TP53I13: variants seen among roughly 807,000 people sequenced by gnomAD.
TP53I13 encodes tumor protein p53-inducible protein 13.
TP53I13 carries 27 observed loss-of-function variants against 39.1 expected under a neutral mutation model. The ratio of observed to expected loss-of-function variants is 0.69; its 90% CI spans 0.51 to 0.95. The LOEUF (loss-of-function observed/expected upper bound fraction) is 0.95. Ranked by LOEUF, TP53I13 falls within the 40% of genes least tolerant of loss-of-function variation. The pLI, the probability that TP53I13 is intolerant of heterozygous loss-of-function variation, is 0.00. For missense variants in TP53I13, 544 were observed against 520.4 expected, an observed-to-expected ratio of 1.05 and a Z score of -0.44; for synonymous variants, 230 against 224.6, an observed-to-expected ratio of 1.02 and a Z score of -0.22.
chr17:29,576,212 T>A (rs766140796), downstream of TP53I13: 9 of 1,606,308 alleles, frequency 5.6e-6, no homozygotes, highest in South Asian at 7.7e-5. Context: ...GACCCATAGG[T>A]GACTCACAGT....
Position 29,568,927 on chromosome 17 carries a change from G to A in TP53I13, c.73-91G>A. 1 of 1,596,054 alleles carries A rather than the reference G, an allele frequency of 6.3e-7. No individual in the cohort carries two copies. ...AGGAGTGGCGCGCCGAGGGGGACGC[G>A]GAGTTCTTCCGCTGGCGGGCTGGGC... On this transcript the variant is annotated intron_variant, in intron 1 of 6. Coordinates refer to ENST00000301057, the MANE Select transcript of TP53I13 (RefSeq NM_138349.4). This position sits in a 1 kb window ranked among gnomAD's most constrained non-coding sequence, Gnocchi z 4.5.
At chr17:29,575,397 C>T, downstream of TP53I13, 16 of 1,613,580 alleles carry the variant, frequency 9.9e-6, no homozygotes, top group Non-Finnish European at 1.2e-5. The surrounding 1 kb of genome is among the most constrained non-coding windows in gnomAD (Gnocchi z 5.5). Flanking sequence ...GGATCTAGGT[C>T]TCCATCCAGG....
In TP53I13 at chr17:29,572,230, G is replaced by C; in HGVS notation, c.602G>C (p.Gly201Ala). 1 of 1,612,372 alleles carries C rather than the reference G, an allele frequency of 6.2e-7. No individual in the cohort carries two copies. Among genetic ancestry groups the C allele is most frequent in the Non-Finnish European group, 8.5e-7 (1 of 1,179,980 alleles). Residue 201 changes from glycine to alanine, a missense_variant, in exon 6 of 7, where the codon GGT becomes GCT. Physicochemically the swap from Gly to Ala is moderately conservative, Grantham distance 60 (BLOSUM62 0). Transcript: ENST00000301057. ...SQGPRQPSSS[G>A]AKRRRLRAAL... ...GGGCCCAGGCAGCCCTCTTCTAGTG[G>C]TGCCAAGAGGCGGAGGCTGCGGGCT...
At chr17:29,575,832 G>T, downstream of TP53I13, 1 of 1,612,854 alleles carries the variant, frequency 6.2e-7, no homozygotes, top group East Asian at 2.2e-5. The surrounding 1 kb of genome is among the most constrained non-coding windows in gnomAD (Gnocchi z 5.5). Context: ...CTTCCCTCCT[G>T]GGAGCAGGAC....
chr17:29,572,505 G>T lies in TP53I13; in HGVS notation c.877G>T (p.Ala293Ser), dbSNP rs867721456. 6.2e-7 allele frequency: 1 copy of T among 1,605,336 alleles called. No individual in the cohort carries two copies. The highest frequency in any genetic ancestry group is 8.5e-7 in the Non-Finnish European group (1 of 1,176,118). Residue 293 changes from alanine (A) to serine (S), a missense_variant, in exon 6 of 7, where the codon GCA becomes TCA. By Grantham distance (99) the Ala-to-Ser change is moderately conservative. Transcript: ENST00000301057. ...CSSQASPAPR[A>S]AAPPRAARGP... ...AAGTCAGGCTTCCCCGGCCCCTCGC[G>T]CAGCAGCGCCTCCACGGGCAGCCCG... is the stretch of plus-strand genomic sequence containing the variant.
downstream of TP53I13, chr17:29,575,539 C>T (rs559571374): frequency 1.3e-5 from 20 of 1,561,310 alleles, no homozygotes; most frequent in Middle Eastern, 3.5e-4. The surrounding 1 kb of genome is among the most constrained non-coding windows in gnomAD (Gnocchi z 5.5). Flanking sequence ...GCCTCGGAGC[C>T]GCCCGCCTTG....
chr17:29,579,700 G>A, the TP53I13 span, among the ~76,000 whole-genome samples: 7 of 152,018 alleles, frequency 4.6e-5, no homozygotes, highest in South Asian at 8.3e-4. Context: ...TCCAGCCTGG[G>A]CAACAGAGCG....
downstream of TP53I13, chr17:29,574,980 T>G (rs751987502): frequency 2.7e-6 from 4 of 1,490,598 alleles, no homozygotes; most frequent in Admixed American, 5.7e-5. Flanking sequence ...AGGGCCCAGT[T>G]TGTCTGTGTC....
the TP53I13 span, chr17:29,578,613 G>A: frequency 1.0e-6 from 1 of 977,008 alleles, no homozygotes; most frequent in Non-Finnish European, 1.7e-6. Context: ...CCAGTGAGGG[G>A]ACAGGTCAAA....
chr17:29,570,911 C>T (rs539832187), intron 3 of TP53I13: 77 of 152,656 alleles, frequency 5.0e-4, no homozygotes, highest in Non-Finnish European at 1.0e-3. Context: ...TCAGCTCCCC[C>T]TGAGACACTG....
At chr17:29,577,862 A>G, downstream of TP53I13, 1 of 684,216 alleles carries the variant, frequency 1.5e-6, no homozygotes, top group East Asian at 2.7e-5. Context: ...TGGTGTTCAG[A>G]ACAGGGGTGG....
At chr17:29,579,150 C>G in the TP53I13 span, 2 of 650,390 alleles carry the variant, frequency 3.1e-6, no homozygotes, top group South Asian at 3.6e-5. Context: ...TCCCCCACCC[C>G]TCCTCCTCTG....
chr17:29,581,224 T>TG, the TP53I13 span: 4 of 784,194 alleles, frequency 5.1e-6, no homozygotes, highest in African/African-American at 5.1e-5. This position sits in a 1 kb window ranked among gnomAD's most constrained non-coding sequence, Gnocchi z 4.8. Flanking sequence ...CTCTAGTCTC[T>TG]GGGGGGAGGG....
downstream of TP53I13, chr17:29,576,571 A>G (rs1303963166): frequency 1.2e-6 from 2 of 1,613,984 alleles, no homozygotes; most frequent in Non-Finnish European, 8.5e-7. Context: ...GTTGACCTTC[A>G]TGAGCTGCTG....
chr17:29,566,986 G>A (rs938504837), upstream of TP53I13: 4 of 1,294,940 alleles, frequency 3.1e-6, no homozygotes, highest in South Asian at 2.5e-5. Flanking sequence ...GGAGAGCCCC[G>A]GCGGGCAGCG....
At chr17:29,578,884 C>T in the TP53I13 span, 2 of 1,564,830 alleles carry the variant, frequency 1.3e-6, no homozygotes, top group East Asian at 2.2e-5. Flanking sequence ...GGGGAGATGG[C>T]ACCCCAGATG....
downstream of TP53I13, chr17:29,573,165 G>A (rs1017648160): frequency 1.8e-5 from 7 of 389,906 alleles, no homozygotes; most frequent in African/African-American, 1.1e-4. Flanking sequence ...AGACTCTGGA[G>A]TTGAGCTTGT....
chr17:29,572,756 GC>G (rs1041908424), intron 6 of TP53I13, 55 bp from the exon 7 acceptor site: 17 of 941,644 alleles, frequency 1.8e-5, no homozygotes, highest in East Asian at 4.2e-5. Flanking sequence ...GTCGCCCGCC[GC>G]CCCCCGTAGC....
At chr17:29,582,183 T>C in the TP53I13 span, 2 of 1,434,200 alleles carry the variant, frequency 1.4e-6, no homozygotes, top group Non-Finnish European at 1.9e-6. Flanking sequence ...CGCATGTGCG[T>C]GAGGCGCACC....
Sources: gnomAD v4.1 joint callset for allele counts (sites outside exome capture counted in the v4.1 genomes callset) on GRCh38, gnomAD v4.1.1 for gene constraint, Gnocchi (gnomAD v3.1) non-coding constraint, MANE v1.5 for transcripts, NCBI Gene and HGNC (gene_info 2026-07-23, HGNC 2026-07-21) for gene names.